Variants in STAU1 observed in about 807,000 individuals in gnomAD.
STAU1 encodes staufen double-stranded RNA binding protein 1.
A neutral mutation model predicts 62.9 loss-of-function variants in STAU1; 13 were observed. That is an observed-to-expected ratio of 0.21 (90% CI 0.13 to 0.33). STAU1 has a LOEUF of 0.33. Ranked by LOEUF, STAU1 falls within the 10% of genes least tolerant of loss-of-function variation. STAU1 has a pLI of 1.00. For missense variants in STAU1, 571 were observed against 712.1 expected (o/e 0.80, Z 2.25); for synonymous variants, 269 against 265.1 (o/e 1.01, Z -0.14).
chr20:49,163,770 T>C lies in STAU1; in HGVS notation c.205+2227A>G, dbSNP rs73132141. On this transcript the variant is annotated intron_variant, in intron 3 of 13. Coordinates refer to ENST00000371856, the MANE Select transcript of STAU1 (RefSeq NM_017453.4). The stretch of plus-strand genomic sequence containing the variant: ...CCTAATTATCAGATTTGAATGTTTC[T>C]ATACTTTTTGTTTTGAGTCAGTCTC... 3.4e-3 allele frequency among the ~76,000 whole-genome samples: 514 copies of C among 152,256 alleles called. 1 individual carries two copies. The highest frequency in any genetic ancestry group is 4.2e-3 in the Non-Finnish European group (284 of 68,014).
Position 49,188,302 on chromosome 20 carries a change from G to C in STAU1, c.-346C>G, listed in dbSNP as rs569200094. On this transcript the variant is annotated 5_prime_UTR_variant, in exon 1 of 14. Coordinates refer to ENST00000371856, the MANE Select transcript of STAU1 (RefSeq NM_017453.4). ...CGGTCAAAGGAAGCGGGAGCCGAGAGAGACGCGGCAGCCGCCGGCGCAAAC... is the reference window on the plus strand; with the variant it reads ...CGGTCAAAGGAAGCGGGAGCCGAGACAGACGCGGCAGCCGCCGGCGCAAAC... 3 of 152,030 alleles carry C rather than the reference G, an allele frequency of 2.0e-5. No individual in the cohort carries two copies. The highest frequency in any genetic ancestry group is 4.4e-5 in the Non-Finnish European group (3 of 68,046). The allele number at this position is 152,030 out of a possible 1,614,324, so 9.4% of individuals were successfully genotyped here. A position where few individuals can be genotyped will look rare whatever the true frequency, so the allele number is the denominator to read the frequency against.
chr20:49,204,838 CA>C, the STAU1 span, among the ~76,000 whole-genome samples: 2 of 150,908 alleles, frequency 1.3e-5, no homozygotes, highest in African/African-American at 2.4e-5. Context: ...TTAGTAGAGA[CA>C]GGGTTTTGCC....
intron 5 of STAU1, among the ~76,000 whole-genome samples, chr20:49,145,042 A>G (rs1187284901): frequency 6.6e-6 from 1 of 152,224 alleles, no homozygotes; most frequent in African/African-American, 2.4e-5. Context: ...AAATATAAGT[A>G]TACTTTCTCT....
the STAU1 span, among the ~76,000 whole-genome samples, chr20:49,196,558 C>T: frequency 6.8e-6 from 1 of 147,894 alleles, no homozygotes; most frequent in South Asian, 2.1e-4. Context: ...AGGCCGAGGC[C>T]GGCAGATCTC....
At chr20:49,136,220 G>A (rs2092879676) in intron 5 of STAU1, among the ~76,000 whole-genome samples, 1 of 152,206 alleles carries the variant, frequency 6.6e-6, no homozygotes, top group African/African-American at 2.4e-5. Flanking sequence ...AGCATTGCTT[G>A]AGCCCAGGAG....
intron 3 of STAU1, among the ~76,000 whole-genome samples, chr20:49,155,721 AATT>A (rs1293862927): frequency 1.3e-5 from 2 of 152,234 alleles, no homozygotes; most frequent in Admixed American, 6.5e-5. Context: ...CTTGCATTAG[AATT>A]ATATTTTTTA....
chr20:49,191,882 C>T (rs1290975531), upstream of STAU1, among the ~76,000 whole-genome samples: 9 of 151,882 alleles, frequency 5.9e-5, no homozygotes, highest in Admixed American at 5.9e-4. Context: ...GAAACCCCAT[C>T]GCTACTAAAC....
At chr20:49,208,650 C>CT in the STAU1 span, among the ~76,000 whole-genome samples, 1 of 149,738 alleles carries the variant, frequency 6.7e-6, no homozygotes, top group Admixed American at 6.7e-5. Flanking sequence ...GACAGAGTCT[C>CT]GCTCTGTCGC....
chr20:49,145,427 A>T, intron 5 of STAU1, among the ~76,000 whole-genome samples: 1 of 44,642 alleles, frequency 2.2e-5, no homozygotes, highest in South Asian at 8.1e-4. Context: ...CCGTCTCAAA[A>T]AAAAAAAAAA....
At chr20:49,136,056 CTGAGACCAGCCTGAGCAACATGGCAGTT>C (rs974925052) in intron 5 of STAU1, 125 bp from the exon 6 acceptor site, 15 of 674,334 alleles carry the variant, frequency 2.2e-5, no homozygotes, top group Admixed American at 1.8e-4. Context: ...GCCCAGGAGT[CTGAGACCAGCCTGAGCAACATGGCAGTT>C]TGAGACCAGC....
At position 49,117,544 on chromosome 20, in the gene STAU1, T is replaced by C. The variant is rs148430071; in HGVS notation, c.1509+233A>G. Among the ~76,000 whole-genome samples the C allele has an allele frequency of 1.5e-3, 234 of 152,306 alleles. 5 individuals are homozygous for C. Among genetic ancestry groups the C allele is most frequent in the Admixed American group, 0.015 (222 of 15,294 alleles). On this transcript the variant is annotated intron_variant, in intron 11 of 13. Coordinates refer to ENST00000371856, the MANE Select transcript of STAU1 (RefSeq NM_017453.4). The surrounding 1 kb of genome is among the most constrained non-coding windows in gnomAD (Gnocchi z 4.6). ...AACCACTGCTAGTGGTTAGAAGCTT[T>C]TAGGGTTGGCTTGCATGTTGAAATC...
At chr20:49,198,877 C>G in the STAU1 span, among the ~76,000 whole-genome samples, 2 of 152,166 alleles carry the variant, frequency 1.3e-5, no homozygotes, top group African/African-American at 4.8e-5. Context: ...GCAGGAAAAT[C>G]GCTTGAACCC....
At chr20:49,134,604 T>C in intron 6 of STAU1, 1 of 1,298,372 alleles carries the variant, frequency 7.7e-7, no homozygotes, top group Non-Finnish European at 1.1e-6. Context: ...ACAGATATTG[T>C]GGATGAAGCC....
intron 4 of STAU1, among the ~76,000 whole-genome samples, chr20:49,153,668 A>G (rs141839165): frequency 0.014 from 1,881 of 134,696 alleles, 47 homozygotes; most frequent in African/African-American, 0.048. Flanking sequence ...CCGAGACTGC[A>G]CCACTGCACT....
At chr20:49,129,554 A>G (rs1227746118) in intron 6 of STAU1, among the ~76,000 whole-genome samples, 1 of 151,604 alleles carries the variant, frequency 6.6e-6, no homozygotes, top group African/African-American at 2.4e-5. Flanking sequence ...GAGAGGATGT[A>G]GAGCAACTAA....
chr20:49,132,394 T>A (rs1301954405), intron 6 of STAU1, among the ~76,000 whole-genome samples: 1 of 152,198 alleles, frequency 6.6e-6, no homozygotes, highest in Non-Finnish European at 1.5e-5. Flanking sequence ...TGTGAGCATG[T>A]CACAATTGTC....
At chr20:49,190,785 CTG>C (rs1201374562), upstream of STAU1, among the ~76,000 whole-genome samples, 1 of 152,052 alleles carries the variant, frequency 6.6e-6, no homozygotes, top group Non-Finnish European at 1.5e-5. Context: ...TCACAAGAAA[CTG>C]TGAGCATTAA....
upstream of STAU1, among the ~76,000 whole-genome samples, chr20:49,191,559 T>G (rs1372734258): frequency 1.3e-5 from 2 of 152,102 alleles, no homozygotes; most frequent in African/African-American, 4.8e-5. Context: ...CTTGCTTATC[T>G]CTGCGCAAGT....
In STAU1 at chr20:49,117,257, G is replaced by A; in HGVS notation, c.1510-9C>T. The stretch of plus-strand genomic sequence containing the variant: ...AAGTCTTTGTATTCAACCTAAGGGG[G>A]AAAAGAGAGCTGAGGCTAGGTAGGG... On this transcript the variant is annotated splice_polypyrimidine_tract_variant and intron_variant, in intron 11 of 13. Transcript: ENST00000371856. The surrounding 1 kb of genome is among the most constrained non-coding windows in gnomAD (Gnocchi z 4.6). The A allele has an allele frequency of 6.2e-7, 1 of 1,613,866 alleles. No individual in the cohort carries two copies. The highest frequency in any genetic ancestry group is 1.1e-5 in the South Asian group (1 of 91,038).
Sources: gnomAD v4.1 joint callset for allele counts (sites outside exome capture counted in the v4.1 genomes callset) on GRCh38, gnomAD v4.1.1 for gene constraint, Gnocchi (gnomAD v3.1) non-coding constraint, MANE v1.5 for transcripts, NCBI Gene and HGNC (gene_info 2026-07-23, HGNC 2026-07-21) for gene names.